The following MAPK6 variants were observed in gnomAD, a reference collection of about 807,000 sequenced individuals.
MAPK6 encodes the protein ERK-3.
In MAPK6, 19 loss-of-function variants were observed where a neutral mutation model predicts 59.3. That is an observed-to-expected ratio of 0.32 (90% CI 0.22 to 0.47). The LOEUF is 0.47. MAPK6 is among the 20% of genes least tolerant of loss of function. The pLI is 1.00. For missense variants in MAPK6, 724 were observed against 847.9 expected (o/e 0.85, Z 1.81); for synonymous variants, 316 against 290.3 (o/e 1.09, Z -0.90).
intron 1 of MAPK6, among the ~76,000 whole-genome samples, chr15:52,043,524 C>T (rs925914195): frequency 2.6e-5 from 4 of 151,802 alleles, no homozygotes; most frequent in Admixed American, 6.6e-5. Flanking sequence ...CTCGAACTCA[C>T]GACCTGAGGA....
intron 1 of MAPK6, among the ~76,000 whole-genome samples, chr15:52,045,191 A>G (rs1296547449): frequency 6.6e-6 from 1 of 152,110 alleles, no homozygotes; most frequent in Non-Finnish European, 1.5e-5. Flanking sequence ...TCCAACCACT[A>G]TTGTGTGAAA....
rs1023576356 is a variant in MAPK6, at chr15:51,976,682, C to T, written c.-880+4776C>T. On this transcript the variant is annotated intron_variant, in intron 1 of 7. Coordinates refer to the MAPK6 transcript ENST00000691380. ...GAAGGAGGCCGGGTGTGGTGGCTCA[C>T]ACCTATAATCTCAGCACGTTGGGAG... Among the ~76,000 whole-genome samples, 4 of 151,764 alleles carry T rather than the reference C, an allele frequency of 2.6e-5. 1 individual carries two copies. Among genetic ancestry groups the T allele is most frequent in the Non-Finnish European group, 5.9e-5 (4 of 67,956 alleles).
intron 1 of MAPK6, among the ~76,000 whole-genome samples, chr15:51,975,800 C>T (rs2057155570): frequency 6.6e-6 from 1 of 151,674 alleles, no homozygotes; most frequent in South Asian, 2.1e-4. Context: ...AGAGAGGAAC[C>T]TTGTAGTTTC....
At chr15:52,061,850 C>T (rs942639301) in intron 5 of MAPK6, among the ~76,000 whole-genome samples, 13 of 152,134 alleles carry the variant, frequency 8.5e-5, no homozygotes, top group East Asian at 1.9e-4. Flanking sequence ...AAAGTAATTA[C>T]TGGTTAGATG....
At chr15:52,022,767 C>G (rs757435332) in intron 1 of MAPK6, among the ~76,000 whole-genome samples, 6 of 152,056 alleles carry the variant, frequency 3.9e-5, no homozygotes, top group Non-Finnish European at 8.8e-5. Flanking sequence ...GTATTTTCGG[C>G]ATTGTTTTCA....
intron 1 of MAPK6, among the ~76,000 whole-genome samples, chr15:52,039,510 T>C (rs1308824575): frequency 6.1e-5 from 1 of 16,400 alleles, no homozygotes. Context: ...GTGTTTTGTC[T>C]TTTTTTTTTT....
At chr15:51,996,703 CCTT>C (rs1299943539) in intron 2 of MAPK6, among the ~76,000 whole-genome samples, 2 of 150,954 alleles carry the variant, frequency 1.3e-5, no homozygotes, top group East Asian at 2.0e-4. Flanking sequence ...TCCTCCTCCT[CCTT>C]CTTCTTGACA....
chr15:51,993,166 T>A (rs950955870), intron 2 of MAPK6, among the ~76,000 whole-genome samples: 1 of 152,190 alleles, frequency 6.6e-6, no homozygotes, highest in Admixed American at 6.5e-5. Flanking sequence ...TAGAAAAAGA[T>A]GCACCAATCA....
intron 2 of MAPK6, among the ~76,000 whole-genome samples, chr15:51,997,923 C>CTT (rs529294551): frequency 6.5e-4 from 85 of 131,228 alleles, no homozygotes; most frequent in African/African-American, 3.2e-3. Context: ...TTCTTTCTTT[C>CTT]TCTTTCTTTC....
intron 3 of MAPK6, among the ~76,000 whole-genome samples, chr15:52,013,674 T>G (rs1384284232): frequency 6.6e-6 from 1 of 152,172 alleles, no homozygotes; most frequent in Non-Finnish European, 1.5e-5. Context: ...GAGATACAGT[T>G]TGGTTTGGCT....
chr15:52,023,122 A>AAC (rs1555397227), intron 1 of MAPK6, among the ~76,000 whole-genome samples: 3 of 151,302 alleles, frequency 2.0e-5, no homozygotes, highest in Non-Finnish European at 3.0e-5. Flanking sequence ...AAAAAAAAAA[A>AAC]AAAAAACCGA....
At chr15:52,052,491 A>G (rs915479777) in intron 3 of MAPK6, among the ~76,000 whole-genome samples, 1 of 152,228 alleles carries the variant, frequency 6.6e-6, no homozygotes, top group African/African-American at 2.4e-5. Flanking sequence ...TTGTGTAACC[A>G]TTACCACAAT....
At chr15:52,008,888 G>T (rs764971913) in intron 3 of MAPK6, among the ~76,000 whole-genome samples, 1 of 152,186 alleles carries the variant, frequency 6.6e-6, no homozygotes, top group Non-Finnish European at 1.5e-5. Flanking sequence ...TCCAGAGGTG[G>T]TTATCAGTTT....
At chr15:52,043,368 C>T (rs1052280163) in intron 1 of MAPK6, among the ~76,000 whole-genome samples, 7 of 151,622 alleles carry the variant, frequency 4.6e-5, no homozygotes, top group Non-Finnish European at 7.4e-5. Context: ...CGTGATCTCA[C>T]CTCACTGCAA....
At chr15:52,042,312 A>G (rs1319031504) in intron 1 of MAPK6, among the ~76,000 whole-genome samples, 1 of 152,186 alleles carries the variant, frequency 6.6e-6, no homozygotes, top group African/African-American at 2.4e-5. Flanking sequence ...GTGGAATTAC[A>G]GTTTGTTTTA....
intron 2 of MAPK6, among the ~76,000 whole-genome samples, chr15:51,988,513 C>T (rs796913631): frequency 2.0e-5 from 3 of 152,066 alleles, no homozygotes; most frequent in African/African-American, 7.2e-5. Flanking sequence ...GCGGGTGGGT[C>T]ACAAGGGCAG....
At chr15:51,974,688 C>CTTGACA (rs1361075011) in intron 1 of MAPK6, among the ~76,000 whole-genome samples, 14 of 141,690 alleles carry the variant, frequency 9.9e-5, no homozygotes, top group African/African-American at 3.6e-4. Context: ...AAAAGATGAT[C>CTTGACA]TTGACATTTG....
At chr15:52,047,716 G>A (rs986156085) in intron 2 of MAPK6, among the ~76,000 whole-genome samples, 2 of 150,244 alleles carry the variant, frequency 1.3e-5, no homozygotes, top group African/African-American at 4.9e-5. Flanking sequence ...TCAAACTTCT[G>A]GGCTCAAGTG....
intron 1 of MAPK6, among the ~76,000 whole-genome samples, chr15:52,024,177 G>A (rs1050213585): frequency 1.3e-5 from 2 of 152,086 alleles, no homozygotes; most frequent in African/African-American, 2.4e-5. Context: ...TAAAATATTA[G>A]TGTTTTGGAG....
Sources: gnomAD v4.1 joint callset for allele counts (sites outside exome capture counted in the v4.1 genomes callset) on GRCh38, gnomAD v4.1.1 for gene constraint, MANE v1.5 for transcripts, NCBI Gene and HGNC (gene_info 2026-07-23, HGNC 2026-07-21) for gene names.